Variants in DMD observed in about 807,000 individuals in gnomAD.
The protein encoded by DMD is dystrophin.
DMD carries 63 observed loss-of-function variants against 330.1 expected under a neutral mutation model. The ratio of observed to expected loss-of-function variants is 0.19; its 90% CI spans 0.16 to 0.24. DMD has a LOEUF of 0.24. Ranked by LOEUF, DMD falls within the 10% of genes least tolerant of loss-of-function variation. The pLI, the probability that DMD is intolerant of heterozygous loss-of-function variation, is 1.00. For synonymous variants in DMD, 1,223 were observed against 959.8 expected (o/e 1.27, Z -5.07); for missense variants, 3,344 against 2,684.1 (o/e 1.25, Z -5.43).
intron 44 of DMD, among the ~76,000 whole-genome samples, chrX:31,991,618 G>A (rs112139628): frequency 9.1e-6 from 1 of 110,333 alleles, no homozygotes; most frequent in Non-Finnish European, 1.9e-5. Flanking sequence ...TAAAAAACAG[G>A]ATAGCCAAAG....
At chrX:32,388,786 T>C (rs143101151) in intron 32 of DMD, among the ~76,000 whole-genome samples, 134 of 111,158 alleles carry the variant, frequency 1.2e-3, no homozygotes, top group Middle Eastern at 4.6e-3. Flanking sequence ...AGAGTTATAA[T>C]AATACTTATG....
chrX:32,328,518 G>A lies in DMD; in HGVS notation c.5922+13582C>T, dbSNP rs1160144439. ...TGTTATGGGGCCAGTACTGCTTGCC[G>A]AACAGGCCATACATATAGGAGGTGA... On this transcript the variant is annotated intron_variant, in intron 41 of 78. Transcript: ENST00000357033. Among the ~76,000 whole-genome samples the A allele has an allele frequency of 3.6e-5, 4 of 111,091 alleles. No individual in the cohort carries two copies. In the East Asian group the frequency reaches 8.6e-4, roughly 24 times the overall value.
chrX:32,575,153 C>T (rs755326183), intron 13 of DMD, among the ~76,000 whole-genome samples: 1 of 111,524 alleles, frequency 9.0e-6, no homozygotes, highest in East Asian at 2.8e-4. Context: ...CTGCCTCAGC[C>T]TCCCAAAGTG....
intron 60 of DMD, among the ~76,000 whole-genome samples, chrX:31,432,997 T>A (rs1231489795): frequency 2.7e-5 from 3 of 111,877 alleles, no homozygotes; most frequent in Non-Finnish European, 5.6e-5. Flanking sequence ...GTTGAACCTG[T>A]CACCCAGGTA....
Position 32,250,007 on chromosome X carries a change from C to T in DMD, c.6291-32944G>A, listed in dbSNP as rs1010519884. On this transcript the variant is annotated intron_variant, in intron 43 of 78. Transcript: ENST00000357033. ...TGTCCCACTTTTTTTGCATCACAAA[C>T]GCCTTGAACCATTAAGTACACAAGT... 8.1e-5 allele frequency among the ~76,000 whole-genome samples: 9 copies of T among 111,592 alleles called. No individual in the cohort carries two copies. The South Asian group carries it at 1.5e-3, about 19-fold the overall frequency.
chrX:31,287,281 A>G (rs1456594097), intron 62 of DMD, among the ~76,000 whole-genome samples: 1 of 112,064 alleles, frequency 8.9e-6, no homozygotes, highest in Non-Finnish European at 1.9e-5. Flanking sequence ...GTACATCTGT[A>G]TAATGGAACC....
At position 32,732,330 on chromosome X, in the gene DMD, A is replaced by C. The variant is rs1205319260; in HGVS notation, c.650-33037T>G. Among the ~76,000 whole-genome samples, 2 of 111,267 alleles carry C rather than the reference A, an allele frequency of 1.8e-5. 1 individual carries two copies. Among genetic ancestry groups the C allele is most frequent in the East Asian group, 5.7e-4 (2 of 3,538 alleles). On this transcript the variant is annotated intron_variant, in intron 7 of 78. Coordinates refer to ENST00000357033, the MANE Select transcript of DMD (RefSeq NM_004006.3). Reference sequence around the variant, plus strand: ...TGGGGAGAATGGAACCAATTTGGAAAACACTCTGCAGGATATTATCCAGGA... The same window carrying C: ...TGGGGAGAATGGAACCAATTTGGAACACACTCTGCAGGATATTATCCAGGA...
intron 9 of DMD, among the ~76,000 whole-genome samples, chrX:32,647,719 A>T (rs1376270242): frequency 1.8e-5 from 2 of 112,126 alleles, no homozygotes; most frequent in Non-Finnish European, 3.8e-5. Flanking sequence ...TGCACTTCAC[A>T]GAGTGACCTT....
chrX:31,125,160 C>G (rs2033456101), intron 78 of DMD, among the ~76,000 whole-genome samples: 1 of 111,677 alleles, frequency 9.0e-6, no homozygotes, highest in African/African-American at 3.3e-5. Flanking sequence ...AATTATGGTG[C>G]ATTTTTCTAC....
intron 13 of DMD, among the ~76,000 whole-genome samples, chrX:32,582,357 G>A (rs753766228): frequency 3.6e-5 from 4 of 111,269 alleles, no homozygotes; most frequent in African/African-American, 6.5e-5. Flanking sequence ...CTTTATATCA[G>A]CACAAATAGA....
At chrX:31,298,133 T>A (rs1037455692) in intron 62 of DMD, among the ~76,000 whole-genome samples, 1 of 111,789 alleles carries the variant, frequency 8.9e-6, no homozygotes, top group African/African-American at 3.3e-5. Context: ...ACTGCTATGA[T>A]TCATCTTGAA....
At chrX:31,630,087 G>T (rs1417155667) in intron 54 of DMD, among the ~76,000 whole-genome samples, 1 of 111,848 alleles carries the variant, frequency 8.9e-6, no homozygotes, top group Non-Finnish European at 1.9e-5. Context: ...TAGAAATGCC[G>T]CTTACCCTCT....
intron 45 of DMD, among the ~76,000 whole-genome samples, chrX:31,965,989 C>G (rs1170344686): frequency 9.0e-6 from 1 of 111,456 alleles, no homozygotes; most frequent in African/African-American, 3.3e-5. Flanking sequence ...AACTACAGGG[C>G]TCCATATAGA....
At chrX:32,653,740 A>T (rs187317884) in intron 9 of DMD, among the ~76,000 whole-genome samples, 1,477 of 111,657 alleles carry the variant, frequency 0.013, 24 homozygotes, top group African/African-American at 0.045. Context: ...TCTATAAATT[A>T]CCTTGGGCAG....
chrX:32,858,884 C>T (rs1054142167), intron 2 of DMD, among the ~76,000 whole-genome samples: 2 of 110,991 alleles, frequency 1.8e-5, no homozygotes, highest in African/African-American at 3.3e-5. Context: ...CAAAAGTAAC[C>T]CAAGTTTCAG....
intron 16 of DMD, among the ~76,000 whole-genome samples, chrX:32,556,082 T>C (rs2050266394): frequency 9.0e-6 from 1 of 111,088 alleles, no homozygotes; most frequent in Admixed American, 9.6e-5. Flanking sequence ...CTGACAATGG[T>C]CCAGAGTCTA....
chrX:32,019,277 T>C (rs2095790441), intron 44 of DMD, among the ~76,000 whole-genome samples: 2 of 111,484 alleles, frequency 1.8e-5, no homozygotes, highest in South Asian at 7.4e-4. Context: ...TAGATTACCA[T>C]GTACTATGTC....
rs1363222393 is a variant in DMD at position 32,629,060 on chromosome X, T to A, written c.1332-14607A>T. Reference sequence around the variant, plus strand: ...TCTACACTGCATAATAAGTCTGATGTTTCTTTGTTGATTTTATGTCTGGAT... The same window carrying A: ...TCTACACTGCATAATAAGTCTGATGATTCTTTGTTGATTTTATGTCTGGAT... On this transcript the variant is annotated intron_variant, in intron 11 of 78. Transcript: ENST00000357033. 3.6e-5 allele frequency among the ~76,000 whole-genome samples: 4 copies of A among 111,814 alleles called. No individual in the cohort carries two copies. In the East Asian group the frequency reaches 1.1e-3, roughly 31 times the overall value.
At chrX:32,730,794 T>G (rs2067499137) in intron 7 of DMD, among the ~76,000 whole-genome samples, 1 of 111,316 alleles carries the variant, frequency 9.0e-6, no homozygotes, top group Non-Finnish European at 1.9e-5. Context: ...ATGAAAGAGA[T>G]GGGAGATACA....
Sources: allele counts gnomAD v4.1 joint callset (sites outside exome capture counted in the v4.1 genomes callset), GRCh38; gene constraint gnomAD v4.1.1; transcripts MANE v1.5; gene names NCBI Gene and HGNC (gene_info 2026-07-23, HGNC 2026-07-21).